Variants in CCDC85A observed in about 807,000 individuals in gnomAD.
CCDC85A encodes coiled-coil domain containing 85A.
In CCDC85A, 38 loss-of-function variants were observed where a neutral mutation model predicts 50.2. That is an observed-to-expected ratio of 0.76 (90% CI 0.58 to 0.99). The LOEUF (loss-of-function observed/expected upper bound fraction) is 0.99. Ranked by LOEUF, CCDC85A falls within the 50% of genes least tolerant of loss-of-function variation. The pLI is 0.00. For missense variants in CCDC85A, 820 were observed against 742.0 expected (o/e 1.11, Z -1.22); for synonymous variants, 366 against 301.4 (o/e 1.21, Z -2.22).
chr2:56,328,142 C>T (rs1673570075), intron 2 of CCDC85A, among the ~76,000 whole-genome samples: 1 of 152,016 alleles, frequency 6.6e-6, no homozygotes. Flanking sequence ...CCAAAATCTC[C>T]CTTGAAGAGC....
At chr2:56,309,673 T>C (rs187396834) in intron 2 of CCDC85A, among the ~76,000 whole-genome samples, 67 of 152,248 alleles carry the variant, frequency 4.4e-4, no homozygotes, top group African/African-American at 1.4e-3. Flanking sequence ...AAAACAGTTT[T>C]AGGAAGGTTT....
rs74952861 is a variant in CCDC85A at position 56,384,154 on chromosome 2, G to T, written c.1573-112G>T. Reference sequence around the variant, plus strand: ...TTGAACTCATTCATGTGGATATTTTGTCTCTTGTCTTTACTTCATCTTCGC... The same window carrying T: ...TTGAACTCATTCATGTGGATATTTTTTCTCTTGTCTTTACTTCATCTTCGC... On this transcript the variant is annotated intron_variant, in intron 5 of 5. Transcript: ENST00000407595. 2.8e-3 allele frequency: 2,467 copies of T among 871,364 alleles called. 21 individuals carry two copies. The highest frequency in any genetic ancestry group is 0.023 in the East Asian group (881 of 38,382). The allele number at this position is 871,364 out of a possible 1,614,324, so 54.0% of individuals were successfully genotyped here. A position where few individuals can be genotyped will look rare whatever the true frequency, so the allele number is the denominator to read the frequency against.
chr2:56,192,061 G>A lies in CCDC85A; in HGVS notation c.277-416G>A, dbSNP rs1249175374. ...CTACTGACCAGATGAACTTGGACAAGTGAAGCTTTGTGAGGTCCGATTTCC... is the reference window on the plus strand; with the variant it reads ...CTACTGACCAGATGAACTTGGACAAATGAAGCTTTGTGAGGTCCGATTTCC... On this transcript the variant is annotated intron_variant, in intron 1 of 5. Coordinates refer to ENST00000407595, the MANE Select transcript of CCDC85A (RefSeq NM_001080433.2). This position sits in a 1 kb window ranked among gnomAD's most constrained non-coding sequence, Gnocchi z 4.7. Among the ~76,000 whole-genome samples the A allele has an allele frequency of 2.6e-5, 4 of 152,166 alleles. No homozygotes were observed.
At position 56,248,763 on chromosome 2, in the gene CCDC85A, G is replaced by T. The variant is rs370346001; in HGVS notation, c.1240+55323G>T. ...GCTGAGTGCCACCTACATGATTTCAGTGTCAGGACACTGGTCTGAACTGGG... is the reference window on the plus strand; with the variant it reads ...GCTGAGTGCCACCTACATGATTTCATTGTCAGGACACTGGTCTGAACTGGG... On this transcript the variant is annotated intron_variant, in intron 2 of 5. Coordinates refer to ENST00000407595, the MANE Select transcript of CCDC85A (RefSeq NM_001080433.2). Among the ~76,000 whole-genome samples, 98 of 152,296 alleles carry T rather than the reference G, an allele frequency of 6.4e-4. 1 individual carries two copies. Among genetic ancestry groups the T allele is most frequent in the African/African-American group, 2.3e-3 (96 of 41,568 alleles).
intron 5 of CCDC85A, chr2:56,383,566 T>C: frequency 1.0e-6 from 1 of 984,422 alleles, no homozygotes; most frequent in Non-Finnish European, 1.2e-6. Context: ...CTTTCAGTGA[T>C]TCTTGAATTT....
chr2:56,350,619 A>T (rs988544341), intron 3 of CCDC85A, among the ~76,000 whole-genome samples: 2 of 152,164 alleles, frequency 1.3e-5, no homozygotes, highest in Non-Finnish European at 2.9e-5. Flanking sequence ...AAGCTTGTAA[A>T]GATGCTGTGA....
chr2:56,365,979 A>G (rs1675771915), intron 3 of CCDC85A, among the ~76,000 whole-genome samples: 1 of 152,006 alleles, frequency 6.6e-6, no homozygotes, highest in Non-Finnish European at 1.5e-5. Flanking sequence ...TTTTTTTTTA[A>G]GATTTCATAT....
At chr2:56,294,377 C>T (rs1006769379) in intron 2 of CCDC85A, among the ~76,000 whole-genome samples, 2 of 152,168 alleles carry the variant, frequency 1.3e-5, no homozygotes, top group African/African-American at 4.8e-5. Context: ...TGTGGCAAAC[C>T]ACCATGGCAC....
At chr2:56,199,215 C>T (rs574601954) in intron 2 of CCDC85A, among the ~76,000 whole-genome samples, 4 of 152,188 alleles carry the variant, frequency 2.6e-5, no homozygotes, top group South Asian at 2.1e-4. Flanking sequence ...GAATCAGACA[C>T]GTGAATACAA....
At chr2:56,245,623 A>G (rs1669467433) in intron 2 of CCDC85A, among the ~76,000 whole-genome samples, 1 of 152,076 alleles carries the variant, frequency 6.6e-6, no homozygotes, top group South Asian at 2.1e-4. Context: ...CTATTTGGCC[A>G]TTTACTCTGC....
At chr2:56,211,811 T>G (rs554369653) in intron 2 of CCDC85A, among the ~76,000 whole-genome samples, 1 of 152,150 alleles carries the variant, frequency 6.6e-6, no homozygotes, top group East Asian at 1.9e-4. Context: ...ATTTTTCACT[T>G]GGGACTTCCA....
intron 2 of CCDC85A, among the ~76,000 whole-genome samples, chr2:56,199,496 G>A (rs1676649494): frequency 6.6e-6 from 1 of 152,086 alleles, no homozygotes; most frequent in Non-Finnish European, 1.5e-5. Flanking sequence ...ATCACCTTAG[G>A]CTCTACGACT....
chr2:56,213,473 A>T (rs1030426434), intron 2 of CCDC85A, among the ~76,000 whole-genome samples: 6 of 151,970 alleles, frequency 3.9e-5, no homozygotes, highest in African/African-American at 1.4e-4. Context: ...TTTGTGTGTA[A>T]CTTGGAGCAG....
chr2:56,348,411 CCT>C, intron 3 of CCDC85A, among the ~76,000 whole-genome samples: 1 of 152,150 alleles, frequency 6.6e-6, no homozygotes, highest in South Asian at 2.1e-4. Context: ...TCAGATCACC[CCT>C]GAGTGAGCCC....
chr2:56,230,938 G>A (rs1334500232), intron 2 of CCDC85A, among the ~76,000 whole-genome samples: 1 of 152,108 alleles, frequency 6.6e-6, no homozygotes, highest in East Asian at 1.9e-4. Flanking sequence ...CTGAGGGTCT[G>A]CTTGGGTGCT....
rs551959056 is a variant in CCDC85A at position 56,191,321 on chromosome 2, G to C, written c.277-1156G>C. Among the ~76,000 whole-genome samples, 8 of 152,262 alleles carry C rather than the reference G, an allele frequency of 5.3e-5. No homozygotes were observed. In the South Asian group the frequency reaches 1.4e-3, roughly 28 times the overall value. On this transcript the variant is annotated intron_variant, in intron 1 of 5. Transcript: ENST00000407595. ...ACAATAAAAGCTGTACCATGTCAGG[G>C]TCTTTGCTGTGTCCACTGATATATC...
intron 2 of CCDC85A, among the ~76,000 whole-genome samples, chr2:56,257,917 G>A (rs1275026734): frequency 3.3e-5 from 5 of 152,170 alleles, no homozygotes; most frequent in Non-Finnish European, 7.3e-5. Flanking sequence ...GAAGATGGTG[G>A]TAAGATGTTG....
intron 2 of CCDC85A, among the ~76,000 whole-genome samples, chr2:56,291,646 C>CTGATGTGT (rs1286675514): frequency 6.6e-6 from 1 of 152,044 alleles, no homozygotes; most frequent in African/African-American, 2.4e-5. Context: ...CTATCAGAGC[C>CTGATGTGT]TGATGTGTTG....
chr2:56,384,139 T>C, intron 5 of CCDC85A, 127 bp from the exon 6 acceptor site: 1 of 761,640 alleles, frequency 1.3e-6, no homozygotes, highest in South Asian at 1.7e-5. Context: ...TTGAACTCAT[T>C]CATGTGGATA....
Sources: allele counts gnomAD v4.1 joint callset (sites outside exome capture counted in the v4.1 genomes callset), GRCh38; gene constraint gnomAD v4.1.1; non-coding constraint Gnocchi (gnomAD v3.1); transcripts MANE v1.5; gene names NCBI Gene and HGNC (gene_info 2026-07-23, HGNC 2026-07-21).